The following LDLRAD4 variants were observed in gnomAD, a reference collection of about 807,000 sequenced individuals.
The protein encoded by LDLRAD4 is low density lipoprotein receptor class A domain containing 4, also known as low-density lipoprotein receptor class A domain-containing protein 4.
LDLRAD4 carries 5 observed loss-of-function variants against 17.0 expected under a neutral mutation model. The observed-to-expected ratio is 0.29, with a 90% CI of 0.15 to 0.62. LDLRAD4 has a LOEUF of 0.62. Among genes scored for constraint, LDLRAD4 ranks in the 20% least tolerant of loss-of-function variants. The pLI is 0.84. For missense variants in LDLRAD4, 340 were observed against 424.7 expected (o/e 0.80, Z 1.75); for synonymous variants, 168 against 171.8 (o/e 0.98, Z 0.17).
chr18:13,398,284 C>T lies in LDLRAD4; in HGVS notation c.40+10522C>T, dbSNP rs138617979. On this transcript the variant is annotated intron_variant, in intron 2 of 5. Transcript: ENST00000359446. The surrounding 1 kb of genome is among the most constrained non-coding windows in gnomAD (Gnocchi z 4.8). The stretch of plus-strand genomic sequence containing the variant: ...ACTTTTCCATGTGTACCTTAGATAA[C>T]CTCACTGGCGTTTGTCATTCTGCTT... 2.4e-4 allele frequency among the ~76,000 whole-genome samples: 37 copies of T among 152,242 alleles called. No individual in the cohort carries two copies. The East Asian group carries it at 7.0e-3, about 29-fold the overall frequency.
intron 3 of LDLRAD4, among the ~76,000 whole-genome samples, chr18:13,491,939 C>G (rs886265158): frequency 6.6e-6 from 1 of 152,182 alleles, no homozygotes; most frequent in African/African-American, 2.4e-5. Context: ...AGAGGCGCTT[C>G]CATCATTCAA....
At chr18:13,580,256 C>G (rs2094838005) in intron 3 of LDLRAD4, among the ~76,000 whole-genome samples, 2 of 152,244 alleles carry the variant, frequency 1.3e-5, no homozygotes, top group South Asian at 4.1e-4. Context: ...CTGGCCTTCC[C>G]TGCTGCTCTG....
intron 1 of LDLRAD4, among the ~76,000 whole-genome samples, chr18:13,263,459 C>G (rs1228755157): frequency 6.6e-6 from 1 of 152,150 alleles, no homozygotes. Flanking sequence ...AGTGAGGGCA[C>G]GGGATTGCAG....
intron 1 of LDLRAD4, among the ~76,000 whole-genome samples, chr18:13,304,940 T>C (rs1292238176): frequency 1.3e-5 from 2 of 152,160 alleles, no homozygotes; most frequent in Non-Finnish European, 2.9e-5. Flanking sequence ...CATTTCACAG[T>C]TGAAAAACTG....
chr18:13,411,629 G>T (rs1189823087), intron 2 of LDLRAD4, among the ~76,000 whole-genome samples: 2 of 152,194 alleles, frequency 1.3e-5, no homozygotes, highest in Non-Finnish European at 2.9e-5. Context: ...TCTCTTGCCT[G>T]CTACCAGGTA....
intron 3 of LDLRAD4, chr18:13,521,048 CGTTAGACTT>C (rs1354459591): frequency 6.6e-6 from 1 of 152,194 alleles, no homozygotes; most frequent in East Asian, 1.9e-4. Context: ...TCAGAAAGCC[CGTTAGACTT>C]TGCTTAATGA....
intron 3 of LDLRAD4, among the ~76,000 whole-genome samples, chr18:13,550,813 A>C (rs9967184): frequency 0.22 from 33,064 of 152,076 alleles, 3,814 homozygotes; most frequent in African/African-American, 0.27. Context: ...GGTGTCCAGA[A>C]CCTGGCTCCA....
intron 1 of LDLRAD4, among the ~76,000 whole-genome samples, chr18:13,221,089 A>C (rs1233590256): frequency 4.6e-5 from 7 of 152,186 alleles, no homozygotes; most frequent in African/African-American, 1.2e-4. Context: ...AGTCTCTATG[A>C]TGTGTCCTTC....
At chr18:13,314,696 A>G (rs1263720938) in intron 1 of LDLRAD4, among the ~76,000 whole-genome samples, 1 of 152,204 alleles carries the variant, frequency 6.6e-6, no homozygotes, top group Admixed American at 6.5e-5. Flanking sequence ...AGGACCATGC[A>G]TGGAGCTTGT....
chr18:13,434,686 A>C (rs936545158), intron 2 of LDLRAD4, among the ~76,000 whole-genome samples: 1 of 152,224 alleles, frequency 6.6e-6, no homozygotes, highest in Non-Finnish European at 1.5e-5. Context: ...AAGTTTCCCA[A>C]ATAGCCCATT....
At chr18:13,218,492 G>A (rs866347664), upstream of LDLRAD4, among the ~76,000 whole-genome samples, 1 of 152,088 alleles carries the variant, frequency 6.6e-6, no homozygotes, top group African/African-American at 2.4e-5. Flanking sequence ...AACTGTCTCC[G>A]CGCCCCTAGG....
chr18:13,384,501 G>A (rs146583932), intron 1 of LDLRAD4, among the ~76,000 whole-genome samples: 19 of 152,256 alleles, frequency 1.2e-4, no homozygotes, highest in South Asian at 4.1e-4. Flanking sequence ...AATGCAGTAC[G>A]TCACTAAAAC....
intron 3 of LDLRAD4, among the ~76,000 whole-genome samples, chr18:13,527,266 G>A (rs1018581781): frequency 1.3e-5 from 2 of 152,276 alleles, no homozygotes; most frequent in African/African-American, 4.8e-5. Flanking sequence ...ATCAGCCTTA[G>A]AGAGTCGTGC....
chr18:13,356,071 G>C (rs774640679), intron 1 of LDLRAD4, among the ~76,000 whole-genome samples: 9 of 152,254 alleles, frequency 5.9e-5, no homozygotes, highest in African/African-American at 2.2e-4. Context: ...GCAAGTGAGC[G>C]GGCTCAGCCA....
intron 4 of LDLRAD4, among the ~76,000 whole-genome samples, chr18:13,632,099 A>G (rs1488652166): frequency 1.3e-5 from 2 of 152,346 alleles, no homozygotes; most frequent in East Asian, 3.9e-4. Flanking sequence ...AACTTCATTC[A>G]GCAGGTCCCA....
intron 1 of LDLRAD4, among the ~76,000 whole-genome samples, chr18:13,370,715 T>TTTTTTTTTGTTTTG (rs1555663258): frequency 1.8e-4 from 22 of 120,996 alleles, no homozygotes; most frequent in Non-Finnish European, 3.2e-4. Context: ...TTTGTTTTGT[T>TTTTTTTTTGTTTTG]TTTTTTTTTT....
intron 3 of LDLRAD4, among the ~76,000 whole-genome samples, chr18:13,558,054 G>A (rs977177695): frequency 3.9e-5 from 6 of 152,180 alleles, no homozygotes; most frequent in Non-Finnish European, 8.8e-5. Flanking sequence ...GGAGTAGGGC[G>A]CTCTGGGAAA....
At chr18:13,414,201 G>A (rs908033094) in intron 2 of LDLRAD4, among the ~76,000 whole-genome samples, 4 of 152,254 alleles carry the variant, frequency 2.6e-5, no homozygotes, top group Admixed American at 6.5e-5. Context: ...TTGGTTGAAG[G>A]GACAGCAGGT....
At chr18:13,459,159 CAAAAAAAAAAAAAAAAA>C (rs534798084) in intron 3 of LDLRAD4, among the ~76,000 whole-genome samples, 5,039 of 53,976 alleles carry the variant, frequency 0.093, 185 homozygotes, top group East Asian at 0.2. Flanking sequence ...ATCTCTACAC[CAAAAAAAAAAAAAAAAA>C]AAAAAAAAAA....
Sources: gnomAD v4.1 joint callset for allele counts (sites outside exome capture counted in the v4.1 genomes callset) on GRCh38, gnomAD v4.1.1 for gene constraint, Gnocchi (gnomAD v3.1) non-coding constraint, MANE v1.5 for transcripts, NCBI Gene and HGNC (gene_info 2026-07-23, HGNC 2026-07-21) for gene names.